The following LRRIQ3 variants were observed in gnomAD, a reference collection of about 807,000 sequenced individuals.
LRRIQ3 encodes the protein leucine rich repeats and IQ motif containing 3, also known as leucine-rich repeat and IQ domain-containing protein 3.
Under a neutral mutation model 59.3 loss-of-function variants are expected in LRRIQ3, and 75 were observed. The ratio of observed to expected loss-of-function variants is 1.26; its 90% CI spans 1.05 to 1.53. The LOEUF is 1.53. LRRIQ3 is among the 40% of genes most tolerant of loss of function. LRRIQ3 has a pLI of 0.00. For synonymous variants in LRRIQ3, 250 were observed against 231.3 expected (o/e 1.08, Z -0.73); for missense variants, 831 against 710.0 (o/e 1.17, Z -1.94).
intron 7 of LRRIQ3, among the ~76,000 whole-genome samples, chr1:74,030,443 C>A (rs1025739086): frequency 6.6e-6 from 1 of 152,086 alleles, no homozygotes; most frequent in Non-Finnish European, 1.5e-5. Flanking sequence ...ACAGAGCCCT[C>A]AGAAATAATA....
intron 3 of LRRIQ3, among the ~76,000 whole-genome samples, chr1:74,178,134 TA>T: frequency 6.6e-6 from 1 of 152,108 alleles, no homozygotes; most frequent in South Asian, 2.1e-4. Context: ...CTACTTAATA[TA>T]TATTTGCTTA....
At chr1:74,196,958 C>G (rs529663051) in intron 1 of LRRIQ3, among the ~76,000 whole-genome samples, 21 of 152,302 alleles carry the variant, frequency 1.4e-4, no homozygotes, top group African/African-American at 5.1e-4. Flanking sequence ...TTGTTTCCCT[C>G]AAGAGTAAAA....
intron 1 of LRRIQ3, among the ~76,000 whole-genome samples, chr1:74,194,328 T>G (rs1264036283): frequency 6.6e-6 from 1 of 152,192 alleles, no homozygotes; most frequent in Non-Finnish European, 1.5e-5. Context: ...GACTAGTACA[T>G]GTGTCCTGGA....
intron 3 of LRRIQ3, among the ~76,000 whole-genome samples, chr1:74,168,318 T>C (rs1270891957): frequency 6.6e-6 from 1 of 152,056 alleles, no homozygotes; most frequent in African/African-American, 2.4e-5. Context: ...ATTGAAACTT[T>C]TATCATGATA....
intron 4 of LRRIQ3, among the ~76,000 whole-genome samples, chr1:74,111,009 C>T (rs992646383): frequency 1.3e-5 from 2 of 151,910 alleles, no homozygotes; most frequent in African/African-American, 2.4e-5. Flanking sequence ...CACATAAAAT[C>T]GAAGTTGTAC....
At chr1:74,140,979 C>A (rs1342328238) in intron 4 of LRRIQ3, among the ~76,000 whole-genome samples, 1 of 151,716 alleles carries the variant, frequency 6.6e-6, no homozygotes, top group Non-Finnish European at 1.5e-5. Flanking sequence ...TTCTTGACAA[C>A]CTCACCCAAT....
At chr1:74,096,541 C>T (rs1330325359) in intron 5 of LRRIQ3, among the ~76,000 whole-genome samples, 4 of 152,040 alleles carry the variant, frequency 2.6e-5, no homozygotes, top group African/African-American at 7.2e-5. Flanking sequence ...GAAGCCTTCT[C>T]GCAACTCGTT....
At chr1:74,060,353 C>T (rs1480861515) in intron 6 of LRRIQ3, among the ~76,000 whole-genome samples, 1 of 150,942 alleles carries the variant, frequency 6.6e-6, no homozygotes, top group Non-Finnish European at 1.5e-5. Flanking sequence ...TCCTTTTCTT[C>T]TTCTTCCTCC....
intron 6 of LRRIQ3, among the ~76,000 whole-genome samples, chr1:74,043,758 C>CCTTTGTA (rs1377161363): frequency 1.3e-5 from 2 of 152,104 alleles, no homozygotes; most frequent in African/African-American, 4.8e-5. Context: ...GTACCTTATA[C>CCTTTGTA]ACAAACAAAG....
At chr1:74,080,407 T>C (rs1274519749) in intron 5 of LRRIQ3, among the ~76,000 whole-genome samples, 1 of 151,722 alleles carries the variant, frequency 6.6e-6, no homozygotes, top group African/African-American at 2.4e-5. Context: ...AAAAGTCAGA[T>C]GGATTATGGT....
chr1:74,031,562 T>G (rs1172048266), intron 7 of LRRIQ3, among the ~76,000 whole-genome samples: 1 of 137,024 alleles, frequency 7.3e-6, no homozygotes, highest in Non-Finnish European at 1.5e-5. Context: ...AATTGAACAA[T>G]GAGAACACTT....
At chr1:74,177,000 T>A (rs1649682186) in intron 3 of LRRIQ3, among the ~76,000 whole-genome samples, 1 of 152,224 alleles carries the variant, frequency 6.6e-6, no homozygotes, top group South Asian at 2.1e-4. Context: ...TTTTCTGTAC[T>A]TTGACTGCAG....
At chr1:74,060,648 A>G (rs1255978926) in intron 6 of LRRIQ3, among the ~76,000 whole-genome samples, 3 of 151,918 alleles carry the variant, frequency 2.0e-5, no homozygotes, top group Non-Finnish European at 2.9e-5. Flanking sequence ...AGTCCCAGCT[A>G]ATAGAGATCA....
chr1:74,029,926 G>C (rs972372889), intron 7 of LRRIQ3, among the ~76,000 whole-genome samples: 2 of 151,964 alleles, frequency 1.3e-5, no homozygotes, highest in South Asian at 4.2e-4. Flanking sequence ...TTTAGTCTTG[G>C]GAGGGTGTAT....
At chr1:74,052,090 C>A (rs1296347827) in intron 6 of LRRIQ3, among the ~76,000 whole-genome samples, 1 of 152,092 alleles carries the variant, frequency 6.6e-6, no homozygotes, top group Non-Finnish European at 1.5e-5. Flanking sequence ...ACGCTTCAAT[C>A]TTTTTTTCCT....
At chr1:74,190,338 T>TGGTA (rs1650678959) in intron 1 of LRRIQ3, among the ~76,000 whole-genome samples, 1 of 151,974 alleles carries the variant, frequency 6.6e-6, no homozygotes, top group Admixed American at 6.6e-5. Context: ...AAAAAAGAAA[T>TGGTA]GGTAGAGACC....
intron 4 of LRRIQ3, among the ~76,000 whole-genome samples, chr1:74,118,629 G>A: frequency 6.6e-6 from 1 of 151,830 alleles, no homozygotes; most frequent in East Asian, 1.9e-4. Context: ...GTTATTGCTG[G>A]CGTAAGAGTG....
chr1:74,123,095 GT>G (rs1284948337), intron 4 of LRRIQ3, among the ~76,000 whole-genome samples: 1 of 151,880 alleles, frequency 6.6e-6, no homozygotes, highest in Non-Finnish European at 1.5e-5. Flanking sequence ...CCTAACTCTA[GT>G]TTTTTTGTTC....
intron 6 of LRRIQ3, among the ~76,000 whole-genome samples, chr1:74,058,647 T>C (rs987852652): frequency 1.3e-5 from 2 of 152,090 alleles, no homozygotes; most frequent in African/African-American, 4.8e-5. Context: ...TCTAGTGTTT[T>C]GTAGCACTGG....
Sources: gnomAD v4.1 joint callset for allele counts (sites outside exome capture counted in the v4.1 genomes callset) on GRCh38, gnomAD v4.1.1 for gene constraint, MANE v1.5 for transcripts, NCBI Gene and HGNC (gene_info 2026-07-23, HGNC 2026-07-21) for gene names.